Variants in CLASP2 observed in about 807,000 individuals in gnomAD.
CLASP2 encodes cytoplasmic linker associated protein 2, also known as CLIP-associating protein 2.
CLASP2 carries 47 observed loss-of-function variants against 194.4 expected under a neutral mutation model. That is an observed-to-expected ratio of 0.24 (90% CI 0.19 to 0.31). The LOEUF (loss-of-function observed/expected upper bound fraction) is 0.31. Ranked by LOEUF, CLASP2 falls within the 10% of genes least tolerant of loss-of-function variation. The pLI is 1.00. For missense variants in CLASP2, 1,445 were observed against 1,823.6 expected (o/e 0.79, Z 3.78); for synonymous variants, 619 against 633.5 (o/e 0.98, Z 0.34).
At chr3:33,557,270 A>T (rs1043416192) in intron 29 of CLASP2, among the ~76,000 whole-genome samples, 3 of 152,144 alleles carry the variant, frequency 2.0e-5, no homozygotes, top group African/African-American at 7.2e-5. Flanking sequence ...CACGGTGCCC[A>T]GCCTCACCCT....
intron 27 of CLASP2, among the ~76,000 whole-genome samples, chr3:33,566,072 T>C (rs2062689110): frequency 6.6e-6 from 1 of 152,170 alleles, no homozygotes; most frequent in Admixed American, 6.5e-5. Flanking sequence ...CCAAAATTTA[T>C]TGAAAGTTAT....
At chr3:33,625,559 C>CT (rs1453275021) in intron 10 of CLASP2, among the ~76,000 whole-genome samples, 1 of 149,194 alleles carries the variant, frequency 6.7e-6, no homozygotes, top group Non-Finnish European at 1.5e-5. Context: ...AGTATGATCT[C>CT]TCTCTTTTTT....
chr3:33,698,667 T>C (rs371310245), intron 1 of CLASP2, among the ~76,000 whole-genome samples: 10 of 152,160 alleles, frequency 6.6e-5, no homozygotes, highest in African/African-American at 2.2e-4. Context: ...AAAGCAACTA[T>C]AGCAATCATA....
At chr3:33,623,846 T>A (rs1048390415) in intron 10 of CLASP2, among the ~76,000 whole-genome samples, 2 of 152,166 alleles carry the variant, frequency 1.3e-5, no homozygotes, top group Admixed American at 1.3e-4. Flanking sequence ...TATTATTTTT[T>A]AAGAAACTTC....
intron 6 of CLASP2, among the ~76,000 whole-genome samples, chr3:33,681,113 A>G (rs1328556929): frequency 2.6e-4 from 37 of 144,584 alleles, no homozygotes; most frequent in African/African-American, 9.2e-4. Context: ...TGACAGAGCG[A>G]GACTCCATCT....
chr3:33,565,218 A>G (rs192383407), intron 27 of CLASP2, among the ~76,000 whole-genome samples: 1 of 152,026 alleles, frequency 6.6e-6, no homozygotes, highest in African/African-American at 2.4e-5. Flanking sequence ...CTCACCTATC[A>G]CCCAGGGTGG....
chr3:33,655,712 T>C (rs1317676353), intron 7 of CLASP2, among the ~76,000 whole-genome samples: 3 of 152,152 alleles, frequency 2.0e-5, no homozygotes, highest in Non-Finnish European at 2.9e-5. Flanking sequence ...TTTATTGCTA[T>C]TGTTCTATAA....
intron 8 of CLASP2, among the ~76,000 whole-genome samples, chr3:33,638,600 C>T (rs536307514): frequency 1.3e-5 from 2 of 152,186 alleles, no homozygotes. Context: ...GCCACCACAC[C>T]CGGCCTCAAT....
At chr3:33,645,929 TACAC>T (rs60196645) in intron 7 of CLASP2, among the ~76,000 whole-genome samples, 9,183 of 135,068 alleles carry the variant, frequency 0.068, 316 homozygotes, top group African/African-American at 0.094. Context: ...TCTCCCAGCA[TACAC>T]ACACACACAC....
At chr3:33,715,044 A>G (rs1329005742) in intron 1 of CLASP2, among the ~76,000 whole-genome samples, 1 of 152,136 alleles carries the variant, frequency 6.6e-6, no homozygotes, top group East Asian at 1.9e-4. Flanking sequence ...TCACTCATTT[A>G]AACTCTAGCC....
At chr3:33,605,628 A>G (rs932131069) in intron 16 of CLASP2, among the ~76,000 whole-genome samples, 5 of 151,920 alleles carry the variant, frequency 3.3e-5, no homozygotes, top group Non-Finnish European at 7.4e-5. Flanking sequence ...ATTACAGAGA[A>G]GTTTTTTGGA....
At chr3:33,643,482 G>A (rs1404280885) in intron 8 of CLASP2, among the ~76,000 whole-genome samples, 3 of 151,674 alleles carry the variant, frequency 2.0e-5, no homozygotes, top group Non-Finnish European at 4.4e-5. Context: ...ACTAACATTT[G>A]GATGAGAATA....
intron 18 of CLASP2, among the ~76,000 whole-genome samples, chr3:33,598,786 C>T (rs945343650): frequency 2.6e-5 from 4 of 152,140 alleles, no homozygotes; most frequent in Non-Finnish European, 5.9e-5. Context: ...TTTTCTTTTC[C>T]ACTCAAGCAA....
At chr3:33,540,850 G>A (rs1461981948) in intron 32 of CLASP2, among the ~76,000 whole-genome samples, 1 of 149,262 alleles carries the variant, frequency 6.7e-6, no homozygotes, top group Non-Finnish European at 1.5e-5. Flanking sequence ...TCAGCTCACT[G>A]CAACCTCTGC....
Position 33,518,383 on chromosome 3 carries a change from T to C in CLASP2, c.3788-1209A>G, listed in dbSNP as rs182550208. 3.7e-3 allele frequency among the ~76,000 whole-genome samples: 565 copies of C among 152,224 alleles called. 2 individuals are homozygous for C. Among genetic ancestry groups the C allele is most frequent in the African/African-American group, 0.013 (537 of 41,498 alleles). ...TTTGAATGTAACAAAATACCAGAGT[T>C]CCTCTTAAATTTTTTTATGATCAAA... is the stretch of plus-strand genomic sequence containing the variant. On this transcript the variant is annotated intron_variant, in intron 34 of 38. Coordinates refer to ENST00000682230, the MANE Select transcript of CLASP2 (RefSeq NM_001365631.1).
rs757938141 is a variant in CLASP2 at position 33,606,654 on chromosome 3, G to A, written c.1631C>T (p.Ser544Phe). 22 of 1,613,536 alleles carry A rather than the reference G, an allele frequency of 1.4e-5. No individual in the cohort carries two copies. Among genetic ancestry groups the A allele is most frequent in the Non-Finnish European group, 1.6e-5 (19 of 1,179,674 alleles). ...TTGTGGAAGAGATGCTACACTGCCA[G>A]AACTCTTTAAGTAAGTTTGAAGACT... Reference protein sequence around the residue: ...QKSLQTYLKSSGSVASLPQSD... With the variant: ...QKSLQTYLKSFGSVASLPQSD... The change falls in exon 16 of 39, where the codon TCT (serine) becomes TTT (phenylalanine). Residue 544 changes from serine (S) to phenylalanine (F), a missense_variant. By Grantham distance (155) the Ser-to-Phe change is radical. Coordinates refer to ENST00000682230, the MANE Select transcript of CLASP2 (RefSeq NM_001365631.1).
intron 16 of CLASP2, among the ~76,000 whole-genome samples, chr3:33,604,478 G>A (rs143356441): frequency 8.6e-5 from 13 of 152,008 alleles, no homozygotes; most frequent in Non-Finnish European, 1.6e-4. Flanking sequence ...GCCACCAAGC[G>A]TGGCTAATTT....
Position 33,600,157 on chromosome 3 carries a change from C to G in CLASP2, c.1924+2795G>C, listed in dbSNP as rs1219951564. Among the ~76,000 whole-genome samples, 9 of 152,054 alleles carry G rather than the reference C, an allele frequency of 5.9e-5. No homozygotes were observed. The East Asian group carries it at 7.7e-4, about 13-fold the overall frequency. ...AGATTGTGTTTTCTGCAAAGAGAGA[C>G]AGTTTGTTCTTCCATTCCAATTTGG... On this transcript the variant is annotated intron_variant, in intron 18 of 38. Transcript: ENST00000682230.
chr3:33,696,781 C>T, intron 2 of CLASP2, 74 bp downstream of exon 2: 1 of 1,011,634 alleles, frequency 9.9e-7, no homozygotes, highest in Non-Finnish European at 1.5e-6. Context: ...ACTATTTCTG[C>T]TAAATAAAAA....
Sources: allele counts gnomAD v4.1 joint callset (sites outside exome capture counted in the v4.1 genomes callset), GRCh38; gene constraint gnomAD v4.1.1; transcripts MANE v1.5; gene names NCBI Gene and HGNC (gene_info 2026-07-23, HGNC 2026-07-21).